The following PCCB variants were observed in gnomAD, a reference collection of about 807,000 sequenced individuals.
PCCB encodes propionyl-CoA carboxylase beta chain, mitochondrial.
PCCB carries 43 observed loss-of-function variants against 60.7 expected under a neutral mutation model. That is an observed-to-expected ratio of 0.71 (90% CI 0.55 to 0.91). The LOEUF (loss-of-function observed/expected upper bound fraction) is 0.91, where lower values mean the gene tolerates loss of function less well. Ranked by LOEUF, PCCB falls within the 40% of genes least tolerant of loss-of-function variation. The probability of loss-of-function intolerance (pLI) is 0.00; values close to 1 mark genes in which losing one functional copy is unlikely to be tolerated. For synonymous variants in PCCB, 276 were observed against 255.9 expected (o/e 1.08, Z -0.75); for missense variants, 766 against 702.8 (o/e 1.09, Z -1.02).
rs752303657 is a variant in PCCB, at chr3:136,260,493, T to TAAC, written c.387_388insAAC (p.Phe129_Gly130insAsn). ...TTTCTTTTTAGGATTTTACAGTTTT[T>TAAC]GGAGGCAGTCTGTCAGGAGCACATG... On this transcript the variant is annotated inframe_insertion, in exon 4 of 15. Transcript: ENST00000251654. The TAAC allele has an allele frequency of 8.7e-6, 14 of 1,613,500 alleles. No individual in the cohort carries two copies. The highest frequency in any genetic ancestry group is 3.3e-5 in the Admixed American group (2 of 59,988).
chr3:136,263,344 C>T (rs998779685), intron 5 of PCCB, among the ~76,000 whole-genome samples: 1 of 150,096 alleles, frequency 6.7e-6, no homozygotes, highest in Non-Finnish European at 1.5e-5. Flanking sequence ...CTGCTCACTG[C>T]AACCTCAGCC....
At chr3:136,256,807 A>G (rs926482359) in intron 3 of PCCB, among the ~76,000 whole-genome samples, 184 bp downstream of exon 3, 3 of 152,188 alleles carry the variant, frequency 2.0e-5, no homozygotes, top group Non-Finnish European at 2.9e-5. Flanking sequence ...AAGAGTCCTT[A>G]GTCTGTTTTG....
intron 5 of PCCB, among the ~76,000 whole-genome samples, chr3:136,278,964 C>G (rs1226184871): frequency 4.6e-5 from 7 of 152,084 alleles, no homozygotes; most frequent in African/African-American, 1.7e-4. Context: ...TTTTAGGGCT[C>G]TTGTTGCTTC....
intron 6 of PCCB, among the ~76,000 whole-genome samples, chr3:136,287,386 G>A (rs1933466624): frequency 6.6e-6 from 1 of 151,042 alleles, no homozygotes; most frequent in African/African-American, 2.4e-5. Context: ...TTTAATAGCT[G>A]TGTAGTAAGT....
chr3:136,271,868 A>G (rs1427052585), intron 5 of PCCB, among the ~76,000 whole-genome samples: 2 of 152,018 alleles, frequency 1.3e-5, no homozygotes, highest in Admixed American at 6.6e-5. Context: ...CTCTTGCCCA[A>G]TTGCTCTGGA....
intron 4 of PCCB, 52 bp downstream of exon 4, chr3:136,260,587 G>C: frequency 1.4e-6 from 2 of 1,413,734 alleles, no homozygotes; most frequent in Non-Finnish European, 2.0e-6. Flanking sequence ...GTTACATAGT[G>C]CTTATTGAGT....
At chr3:136,314,042 A>ACACG (rs1934779685) in intron 9 of PCCB, among the ~76,000 whole-genome samples, 1 of 152,002 alleles carries the variant, frequency 6.6e-6, no homozygotes, top group African/African-American at 2.4e-5. Flanking sequence ...TCACACACAC[A>ACACG]CACACATCCC....
At chr3:136,312,833 A>G (rs905230202) in intron 9 of PCCB, among the ~76,000 whole-genome samples, 5 of 152,230 alleles carry the variant, frequency 3.3e-5, no homozygotes, top group African/African-American at 9.6e-5. Context: ...ATATGCTAGA[A>G]GAAACTCTTG....
chr3:136,293,140 T>C (rs1237909677), intron 6 of PCCB, among the ~76,000 whole-genome samples: 1 of 152,150 alleles, frequency 6.6e-6, no homozygotes, highest in Non-Finnish European at 1.5e-5. Context: ...TAGCTAGGAC[T>C]ACAGGCACAT....
intron 3 of PCCB, among the ~76,000 whole-genome samples, chr3:136,257,782 A>G (rs1247738926): frequency 1.3e-5 from 2 of 152,106 alleles, no homozygotes; most frequent in African/African-American, 4.8e-5. Context: ...CTAAAAACAC[A>G]AAAATTAGCT....
intron 5 of PCCB, among the ~76,000 whole-genome samples, chr3:136,275,822 G>A (rs886218623): frequency 6.6e-6 from 1 of 152,102 alleles, no homozygotes; most frequent in Non-Finnish European, 1.5e-5. Context: ...TCAGGCTGGA[G>A]TGCAGTGGCA....
intron 9 of PCCB, among the ~76,000 whole-genome samples, chr3:136,310,189 C>T (rs903186969): frequency 2.0e-5 from 3 of 152,042 alleles, no homozygotes; most frequent in African/African-American, 4.8e-5. Flanking sequence ...CATGGAGAAA[C>T]CTCGTCTTTA....
At chr3:136,253,608 CTT>C (rs1362656431) in intron 1 of PCCB, among the ~76,000 whole-genome samples, 1 of 150,946 alleles carries the variant, frequency 6.6e-6, no homozygotes, top group Non-Finnish European at 1.5e-5. Flanking sequence ...TGGTCTCTAA[CTT>C]TTGACCTCAG....
At chr3:136,254,376 G>A (rs1257275538) in intron 1 of PCCB, among the ~76,000 whole-genome samples, 1 of 151,202 alleles carries the variant, frequency 6.6e-6, no homozygotes, top group African/African-American at 2.4e-5. Flanking sequence ...GTGCTACCAA[G>A]CCCAGCTAAT....
intron 5 of PCCB, among the ~76,000 whole-genome samples, chr3:136,275,652 T>C (rs1169891922): frequency 6.6e-6 from 1 of 152,178 alleles, no homozygotes; most frequent in Non-Finnish European, 1.5e-5. Flanking sequence ...TTAGTGTTTA[T>C]AGTTTATTAT....
intron 2 of PCCB, chr3:136,256,184 C>T: frequency 1.5e-6 from 1 of 659,472 alleles, no homozygotes; most frequent in Non-Finnish European, 2.5e-6. Flanking sequence ...TTCAAGCAAT[C>T]CACCCACCTC....
chr3:136,268,589 G>A (rs1041354829), intron 5 of PCCB, among the ~76,000 whole-genome samples: 4 of 151,062 alleles, frequency 2.6e-5, no homozygotes, highest in Admixed American at 1.3e-4. Flanking sequence ...TCAGCCTCCC[G>A]AGTAGCTGGG....
intron 8 of PCCB, among the ~76,000 whole-genome samples, chr3:136,299,534 G>A (rs1934118512): frequency 8.1e-6 from 1 of 123,550 alleles, no homozygotes; most frequent in African/African-American, 3.7e-5. Flanking sequence ...GTATGTATAT[G>A]CATGTGTATA....
chr3:136,316,575 CAA>C (rs934648678), intron 9 of PCCB, among the ~76,000 whole-genome samples: 1 of 152,148 alleles, frequency 6.6e-6, no homozygotes, highest in Non-Finnish European at 1.5e-5. Context: ...CTCGACCTCC[CAA>C]AGTGCTAAGA....
Sources: allele counts gnomAD v4.1 joint callset (sites outside exome capture counted in the v4.1 genomes callset), GRCh38; gene constraint gnomAD v4.1.1; transcripts MANE v1.5; gene names NCBI Gene and HGNC (gene_info 2026-07-23, HGNC 2026-07-21).